GRIN1: variants seen among roughly 807,000 people sequenced by gnomAD.
GRIN1 encodes the protein glutamate ionotropic receptor NMDA type subunit 1.
Under a neutral mutation model 103.0 loss-of-function variants are expected in GRIN1, and 38 were observed. The ratio of observed to expected loss-of-function variants is 0.37; its 90% confidence interval spans 0.28 to 0.48. The LOEUF (loss-of-function observed/expected upper bound fraction) is 0.48. GRIN1 is among the 20% of genes least tolerant of loss of function. The pLI is 0.98. For missense variants in GRIN1, 577 were observed against 1,288.9 expected, an observed-to-expected ratio of 0.45 and a Z score of 8.46; for synonymous variants, 544 against 532.7, an observed-to-expected ratio of 1.02 and a Z score of -0.29.
At chr9:137,163,957 G>A (rs757743976) in intron 18 of GRIN1, 53 bp downstream of exon 18, 22 of 1,594,512 alleles carry the variant, frequency 1.4e-5, no homozygotes, top group Non-Finnish European at 4.3e-6. Flanking sequence ...CCTGGCCACG[G>A]CCCTCCTCCA....
chr9:137,142,072 T>G lies in GRIN1; in HGVS notation c.318T>G (p.Pro106=), dbSNP rs1296861481. 2 of 1,614,116 alleles carry G rather than the reference T, an allele frequency of 1.2e-6. No individual in the cohort carries two copies. The highest frequency in any genetic ancestry group is 1.7e-6 in the Non-Finnish European group (2 of 1,179,960). ...PTPNDHFTPT[P]VSYTAGFYRI... ...CCAACGACCACTTCACTCCCACCCC[T>G]GTCTCCTACACAGCCGGCTTCTACC... Residue 106 remains proline, a synonymous_variant, in exon 2 of 20, where the codon CCT becomes CCG. Transcript: ENST00000371561.
At chr9:137,161,491 G>A in intron 10 of GRIN1, 75 bp downstream of exon 10, 1 of 1,390,892 alleles carries the variant, frequency 7.2e-7, no homozygotes, top group Non-Finnish European at 1.0e-6. Context: ...GGGGCATGGA[G>A]TAGGCGGGGC....
intron 1 of GRIN1, among the ~76,000 whole-genome samples, chr9:137,140,700 A>G (rs892795652): frequency 1.3e-5 from 2 of 152,218 alleles, no homozygotes; most frequent in Admixed American, 1.3e-4. Context: ...CATGTACACG[A>G]ACAGACATGC....
At chr9:137,155,469 T>C (rs1371138313) in intron 4 of GRIN1, among the ~76,000 whole-genome samples, 1 of 152,256 alleles carries the variant, frequency 6.6e-6, no homozygotes, top group East Asian at 1.9e-4. Flanking sequence ...TGTGGGCTTA[T>C]TCTCGAGAAA....
At chr9:137,167,258 C>A (rs1445574296) in intron 19 of GRIN1, among the ~76,000 whole-genome samples, 153 bp from the exon 20 acceptor site, 1 of 151,980 alleles carries the variant, frequency 6.6e-6, no homozygotes, top group Non-Finnish European at 1.5e-5. Flanking sequence ...GGGTGGGGGG[C>A]TCCTTTGGGT....
rs779202613 is a variant in GRIN1 at position 137,145,717 on chromosome 9, C to A, written c.394-9C>A. 3 of 1,611,908 alleles carry A rather than the reference C, an allele frequency of 1.9e-6. No individual in the cohort carries two copies. The highest frequency in any genetic ancestry group is 2.5e-6 in the Non-Finnish European group (3 of 1,178,896). On this transcript the variant is annotated splice_polypyrimidine_tract_variant and intron_variant, in intron 2 of 19. Coordinates refer to ENST00000371561, the MANE Select transcript of GRIN1 (RefSeq NM_007327.4). Reference sequence around the variant, plus strand: ...CCACCTCAGCCCGCCGTGCCCCCGCCTCCCGCAGAGCATCCACCTGAGCTT... The same window carrying A: ...CCACCTCAGCCCGCCGTGCCCCCGCATCCCGCAGAGCATCCACCTGAGCTT...
At chr9:137,143,431 AG>A (rs760463484) in intron 2 of GRIN1, among the ~76,000 whole-genome samples, 7 of 152,262 alleles carry the variant, frequency 4.6e-5, no homozygotes, top group Non-Finnish European at 5.9e-5. Flanking sequence ...CTGTGCCCTC[AG>A]GCACGACCTC....
At position 137,151,056 on chromosome 9, in the gene GRIN1, C is replaced by A. The variant is rs868665013; in HGVS notation, c.671+1947C>A. On this transcript the variant is annotated intron_variant, in intron 4 of 19. Transcript: ENST00000371561. ...GGAAAGCCCCGCCCAGAAAAAGTCC[C>A]GCCCAGGGAAAGCCCCGCCCAGAAA... Among the ~76,000 whole-genome samples the A allele has an allele frequency of 9.9e-4, 141 of 141,890 alleles. 2 individuals carry two copies. Among genetic ancestry groups the A allele is most frequent in the Non-Finnish European group, 1.7e-3 (113 of 65,096 alleles). The allele number at this position is 141,890 out of a possible 152,430, so 93.1% of individuals were successfully genotyped here. A position where few individuals can be genotyped will look rare whatever the true frequency, so the allele number is the denominator to read the frequency against.
chr9:137,167,651 T>A lies in GRIN1; in HGVS notation c.*124T>A, dbSNP rs993732025. The A allele has an allele frequency of 6.6e-7, 1 of 1,504,676 alleles. No homozygotes were observed. The highest frequency in any genetic ancestry group is 8.9e-7 in the Non-Finnish European group (1 of 1,127,826). 93.2% of individuals were successfully genotyped at this position (1,504,676 alleles called of 1,614,324 possible). ...GGTCGGGGGAGGAGCACCCCCAGCC[T>A]CCCCCAGGCTGCGCCTGCCCGCCCG... On this transcript the variant is annotated 3_prime_UTR_variant, in exon 20 of 20. Coordinates refer to ENST00000371561, the MANE Select transcript of GRIN1 (RefSeq NM_007327.4).
intron 8 of GRIN1, among the ~76,000 whole-genome samples, chr9:137,160,468 C>T (rs560165866): frequency 6.6e-5 from 10 of 151,846 alleles, no homozygotes; most frequent in African/African-American, 9.7e-5. Flanking sequence ...CTCGCTCTGT[C>T]GCCCAGGCTG....
At chr9:137,153,009 C>G (rs1226507327) in intron 4 of GRIN1, among the ~76,000 whole-genome samples, 2 of 152,068 alleles carry the variant, frequency 1.3e-5, no homozygotes, top group African/African-American at 4.8e-5. Flanking sequence ...TCATACATCT[C>G]TACTCACACA....
intron 4 of GRIN1, among the ~76,000 whole-genome samples, chr9:137,150,235 A>G (rs755148643): frequency 2.0e-5 from 3 of 152,214 alleles, no homozygotes; most frequent in Non-Finnish European, 2.9e-5. Flanking sequence ...GGCTCCAGGA[A>G]AAAAGATTTT....
Position 137,167,515 on chromosome 9 carries a change from T to A in GRIN1, c.2805T>A (p.His935Gln), listed in dbSNP as rs1262184514. 1 of 1,552,256 alleles carries A rather than the reference T, an allele frequency of 6.4e-7. No homozygotes were observed. Among genetic ancestry groups the A allele is most frequent in the Non-Finnish European group, 8.7e-7 (1 of 1,146,716 alleles). The change falls in exon 20 of 20, where the codon CAT becomes CAA. Residue 935 changes from histidine to glutamine, a missense_variant. Transcript: ENST00000371561. ...EEGQLQLCSR[H>Q]RES Reference sequence around the variant, plus strand: ...GCCAGCTGCAGCTGTGTTCCCGTCATAGGGAGAGCTGAGACTCCCCGCCCG... The same window carrying A: ...GCCAGCTGCAGCTGTGTTCCCGTCAAAGGGAGAGCTGAGACTCCCCGCCCG...
At chr9:137,143,559 C>G (rs1019624454) in intron 2 of GRIN1, among the ~76,000 whole-genome samples, 2 of 152,226 alleles carry the variant, frequency 1.3e-5, no homozygotes, top group Admixed American at 6.5e-5. Flanking sequence ...TGGCCCAGAG[C>G]AGGCCAAAGG....
Position 137,168,349 on chromosome 9 carries a change from G to T in GRIN1, c.*822G>T. 1 of 181,828 alleles carries T rather than the reference G, an allele frequency of 5.5e-6. No individual in the cohort carries two copies. Among genetic ancestry groups the T allele is most frequent in the Non-Finnish European group, 1.1e-5 (1 of 88,580 alleles). The allele number at this position is 181,828 out of a possible 1,614,324, so 11.3% of individuals were successfully genotyped here. On this transcript the variant is annotated 3_prime_UTR_variant, in exon 20 of 20. Coordinates refer to ENST00000371561, the MANE Select transcript of GRIN1 (RefSeq NM_007327.4). ...GACCCCACACGCCGGGGCTGGCCCT[G>T]CCCTCCCCCACGGCCGTCCCTGACT...
At chr9:137,140,596 A>G (rs1434012026) in intron 1 of GRIN1, among the ~76,000 whole-genome samples, 1 of 152,214 alleles carries the variant, frequency 6.6e-6, no homozygotes. Context: ...AGATCCATTG[A>G]CACCTGCTCA....
At chr9:137,141,642 G>A (rs1265692143) in intron 1 of GRIN1, among the ~76,000 whole-genome samples, 3 of 152,236 alleles carry the variant, frequency 2.0e-5, no homozygotes, top group South Asian at 4.1e-4. Flanking sequence ...CAGGAAGGAC[G>A]GGTGGGTTCT....
At position 137,163,539 on chromosome 9, in the gene GRIN1, T is replaced by G; in HGVS notation, c.2334-20T>G. The G allele has an allele frequency of 6.5e-7, 1 of 1,548,042 alleles. No homozygotes were observed. Among genetic ancestry groups the G allele is most frequent in the South Asian group, 1.1e-5 (1 of 89,790 alleles). On this transcript the variant is annotated intron_variant, in intron 16 of 19. Transcript: ENST00000371561. ...TCCTGGGCCCCGCCTCACTGCAGGCTCACTTGTTCCCACCGCCAGGTCCCA... is the reference window on the plus strand; with the variant it reads ...TCCTGGGCCCCGCCTCACTGCAGGCGCACTTGTTCCCACCGCCAGGTCCCA...
chr9:137,151,572 G>A (rs1427732190), intron 4 of GRIN1, among the ~76,000 whole-genome samples: 6 of 138,946 alleles, frequency 4.3e-5, no homozygotes, highest in African/African-American at 1.4e-4. Flanking sequence ...GCCACCCAGG[G>A]AAAGCCCCAC....
Sources: gnomAD v4.1 joint callset for allele counts (sites outside exome capture counted in the v4.1 genomes callset) on GRCh38, gnomAD v4.1.1 for gene constraint, MANE v1.5 for transcripts, NCBI Gene and HGNC (gene_info 2026-07-23, HGNC 2026-07-21) for gene names.